MYT1L: variants seen among roughly 807,000 people sequenced by gnomAD.
MYT1L encodes myelin transcription factor 1 like.
In MYT1L, 12 loss-of-function variants were observed where a neutral mutation model predicts 126.7. The ratio of observed to expected loss-of-function variants is 0.09; its 90% CI spans 0.06 to 0.15. MYT1L has a LOEUF of 0.15. Ranked by LOEUF, MYT1L falls within the 10% of genes least tolerant of loss-of-function variation. The pLI is 1.00. For synonymous variants in MYT1L, 541 were observed against 604.2 expected (o/e 0.90, Z 1.53); for missense variants, 979 against 1,585.2 (o/e 0.62, Z 6.49).
At chr2:2,138,206 G>A (rs1370080858) in intron 3 of MYT1L, among the ~76,000 whole-genome samples, 14 of 151,558 alleles carry the variant, frequency 9.2e-5, no homozygotes, top group Admixed American at 9.2e-4. Flanking sequence ...AGGTGCTGGA[G>A]AGGATGTGGA....
At chr2:1,949,108 G>C (rs1035751791) in intron 8 of MYT1L, among the ~76,000 whole-genome samples, 1 of 152,094 alleles carries the variant, frequency 6.6e-6, no homozygotes, top group Non-Finnish European at 1.5e-5. Flanking sequence ...TTTTTCCAGA[G>C]TGTGTCCATA....
chr2:2,213,740 G>A (rs2093600532), intron 2 of MYT1L, among the ~76,000 whole-genome samples: 1 of 152,126 alleles, frequency 6.6e-6, no homozygotes, highest in African/African-American at 2.4e-5. Flanking sequence ...GCTTCCAAGA[G>A]GAAAGCTCAA....
At chr2:2,018,526 G>A (rs2064676431) in intron 4 of MYT1L, among the ~76,000 whole-genome samples, 1 of 152,202 alleles carries the variant, frequency 6.6e-6, no homozygotes, top group South Asian at 2.1e-4. Context: ...GTGGAGGAGG[G>A]AATCTTGAAG....
At chr2:1,996,998 A>G (rs2061931822) in intron 5 of MYT1L, among the ~76,000 whole-genome samples, 193 bp downstream of exon 5, 1 of 136,072 alleles carries the variant, frequency 7.3e-6, no homozygotes, top group Non-Finnish European at 1.6e-5. Flanking sequence ...TTACCTAGTG[A>G]GGGCCGCCCT....
chr2:2,265,716 T>TA, intron 2 of MYT1L, among the ~76,000 whole-genome samples: 2 of 152,364 alleles, frequency 1.3e-5, no homozygotes, highest in East Asian at 3.9e-4. Flanking sequence ...ATGGATATTT[T>TA]ATATGGTTTT....
intron 2 of MYT1L, among the ~76,000 whole-genome samples, chr2:2,184,526 G>A (rs998597272): frequency 1.3e-5 from 2 of 151,956 alleles, no homozygotes; most frequent in Non-Finnish European, 2.9e-5. Flanking sequence ...TAAAAATTGG[G>A]GATTTTTTTC....
intron 3 of MYT1L, among the ~76,000 whole-genome samples, chr2:2,114,852 G>A (rs750818221): frequency 1.3e-5 from 2 of 152,166 alleles, no homozygotes; most frequent in African/African-American, 2.4e-5. Flanking sequence ...CCGTCATCAC[G>A]TGCATAAATC....
At chr2:1,875,434 T>C (rs71440701) in intron 18 of MYT1L, among the ~76,000 whole-genome samples, 2,489 of 152,334 alleles carry the variant, frequency 0.016, 39 homozygotes, top group Non-Finnish European at 0.027. Context: ...TTTTAAATGG[T>C]TGCTTTAAGA....
At chr2:2,009,789 C>G (rs961107489) in intron 4 of MYT1L, among the ~76,000 whole-genome samples, 1 of 152,010 alleles carries the variant, frequency 6.6e-6, no homozygotes, top group African/African-American at 2.4e-5. Context: ...TCTACTGGAT[C>G]TTAGTGGCAA....
chr2:2,297,856 C>G (rs750404992), intron 1 of MYT1L, among the ~76,000 whole-genome samples: 1 of 152,182 alleles, frequency 6.6e-6, no homozygotes, highest in Non-Finnish European at 1.5e-5. Context: ...TCTGCTCTCT[C>G]CCTCTCTCCC....
intron 18 of MYT1L, among the ~76,000 whole-genome samples, chr2:1,853,420 C>A (rs777950830): frequency 6.6e-6 from 1 of 152,086 alleles, no homozygotes; most frequent in Non-Finnish European, 1.5e-5. Context: ...AAAGTTTGAT[C>A]GTAAGACTAT....
intron 2 of MYT1L, among the ~76,000 whole-genome samples, chr2:2,230,568 A>G (rs2149056925): frequency 6.6e-6 from 1 of 152,298 alleles, no homozygotes; most frequent in South Asian, 2.1e-4. Flanking sequence ...CGCCACTGGC[A>G]AGCTGCATGC....
intron 2 of MYT1L, among the ~76,000 whole-genome samples, chr2:2,283,871 C>T (rs939295507): frequency 3.9e-5 from 6 of 152,118 alleles, no homozygotes; most frequent in Admixed American, 1.3e-4. Context: ...GCTACCTGTC[C>T]GACCTCCCTC....
chr2:2,249,800 A>C (rs2149207619), intron 2 of MYT1L, among the ~76,000 whole-genome samples: 1 of 152,306 alleles, frequency 6.6e-6, no homozygotes, highest in South Asian at 2.1e-4. Flanking sequence ...AATAACCAGA[A>C]CATATATAAA....
chr2:2,248,082 G>C (rs1286631488), intron 2 of MYT1L, among the ~76,000 whole-genome samples: 1 of 150,736 alleles, frequency 6.6e-6, no homozygotes, highest in Non-Finnish European at 1.5e-5. Flanking sequence ...CAATACAAAA[G>C]ATCAATGAAA....
intron 2 of MYT1L, among the ~76,000 whole-genome samples, chr2:2,235,672 AG>A (rs2094279211): frequency 6.6e-6 from 1 of 152,192 alleles, no homozygotes; most frequent in Non-Finnish European, 1.5e-5. Context: ...GTGAACACGC[AG>A]CCCCTCCTCA....
At chr2:1,886,966 A>T (rs2048253531) in intron 17 of MYT1L, 3 of 403,390 alleles carry the variant, frequency 7.4e-6, no homozygotes, top group Non-Finnish European at 1.3e-5. Context: ...TTGACACAGA[A>T]TTCAACATTT....
At chr2:1,976,425 G>A (rs543936039) in intron 8 of MYT1L, among the ~76,000 whole-genome samples, 23 of 152,260 alleles carry the variant, frequency 1.5e-4, no homozygotes, top group African/African-American at 3.4e-4. Flanking sequence ...GCGGATCACC[G>A]GAGATCAGGA....
At chr2:2,272,709 G>C (rs963211743) in intron 2 of MYT1L, among the ~76,000 whole-genome samples, 15 of 152,196 alleles carry the variant, frequency 9.9e-5, no homozygotes, top group African/African-American at 3.6e-4. Flanking sequence ...GGCTTAACCT[G>C]TCTAAACTGA....
Sources: allele counts gnomAD v4.1 joint callset (sites outside exome capture counted in the v4.1 genomes callset), GRCh38; gene constraint gnomAD v4.1.1; transcripts MANE v1.5; gene names NCBI Gene and HGNC (gene_info 2026-07-23, HGNC 2026-07-21).